TMEM178A: variants seen among roughly 807,000 people sequenced by gnomAD.
TMEM178A encodes transmembrane protein 178A, also known as transmembrane protein 178.
In TMEM178A, 12 loss-of-function variants were observed where a neutral mutation model predicts 29.1. That is an observed-to-expected ratio of 0.41 (90% confidence interval 0.26 to 0.67). The LOEUF is 0.67. Ranked by LOEUF, TMEM178A falls within the 30% of genes least tolerant of loss-of-function variation. The pLI, the probability that TMEM178A is intolerant of heterozygous loss-of-function variation, is 0.29. For missense variants in TMEM178A, 366 were observed against 419.1 expected (o/e 0.87, Z 1.11); for synonymous variants, 210 against 187.2 (o/e 1.12, Z -0.99).
intron 1 of TMEM178A, among the ~76,000 whole-genome samples, chr2:39,701,427 G>A (rs1410618771): frequency 6.6e-6 from 1 of 151,794 alleles, no homozygotes; most frequent in Non-Finnish European, 1.5e-5. Context: ...ATCTTTCAAA[G>A]TTTTTTTTGT....
intron 1 of TMEM178A, among the ~76,000 whole-genome samples, chr2:39,675,070 A>G (rs973332453): frequency 6.6e-6 from 1 of 152,212 alleles, no homozygotes; most frequent in African/African-American, 2.4e-5. Context: ...AAACCATATT[A>G]TCAGAATGCC....
the TMEM178A span, among the ~76,000 whole-genome samples, chr2:39,725,369 C>T: frequency 1.3e-5 from 2 of 152,128 alleles, no homozygotes; most frequent in African/African-American, 4.8e-5. Flanking sequence ...AGAAAGGTGT[C>T]AGAAAATGTC....
At chr2:39,677,223 A>G (rs943982587) in intron 1 of TMEM178A, among the ~76,000 whole-genome samples, 1 of 152,076 alleles carries the variant, frequency 6.6e-6, no homozygotes, top group African/African-American at 2.4e-5. Flanking sequence ...ATTTTTCTGA[A>G]TATCTCCCTT....
At chr2:39,728,971 A>G in the TMEM178A span, among the ~76,000 whole-genome samples, 1 of 152,198 alleles carries the variant, frequency 6.6e-6, no homozygotes, top group Non-Finnish European at 1.5e-5. Context: ...TCCACTGAGA[A>G]TGAGATGTGC....
downstream of TMEM178A, among the ~76,000 whole-genome samples, chr2:39,722,219 G>GT (rs1558470657): frequency 1.3e-5 from 2 of 152,108 alleles, no homozygotes; most frequent in African/African-American, 4.8e-5. Context: ...TTACATGGCG[G>GT]TGGGGAAACA....
At chr2:39,730,110 G>A in the TMEM178A span, among the ~76,000 whole-genome samples, 1 of 152,242 alleles carries the variant, frequency 6.6e-6, no homozygotes, top group East Asian at 1.9e-4. Flanking sequence ...ACCTGTTTAT[G>A]TGTTTCTGTC....
chr2:39,732,079 G>T, the TMEM178A span, among the ~76,000 whole-genome samples: 2 of 152,164 alleles, frequency 1.3e-5, no homozygotes, highest in Admixed American at 6.5e-5. Context: ...ATACTCATGA[G>T]GATGACATGT....
chr2:39,688,497 A>T (rs1671175501), intron 1 of TMEM178A, among the ~76,000 whole-genome samples: 1 of 152,228 alleles, frequency 6.6e-6, no homozygotes, highest in East Asian at 1.9e-4. Flanking sequence ...TTGCCACTGG[A>T]AGGTGGTGAG....
Position 39,716,861 on chromosome 2 carries a change from T to C in TMEM178A, c.653-149T>C, listed in dbSNP as rs142101214. On this transcript the variant is annotated intron_variant, in intron 3 of 3. Coordinates refer to ENST00000281961, the MANE Select transcript of TMEM178A (RefSeq NM_152390.3). ...GTTTTGCCAATGTTTGTTATATGAATTAATTCAAGTAAAATAATTATGGAT... is the reference window on the plus strand; with the variant it reads ...GTTTTGCCAATGTTTGTTATATGAACTAATTCAAGTAAAATAATTATGGAT... The C allele has an allele frequency of 1.2e-3, 1,223 of 1,027,368 alleles. 7 individuals are homozygous for C. In the African/African-American group the frequency reaches 0.015, roughly 12 times the overall value. 63.6% of individuals were successfully genotyped at this position (1,027,368 alleles called of 1,614,324 possible).
downstream of TMEM178A, among the ~76,000 whole-genome samples, chr2:39,718,386 C>A (rs1276218272): frequency 6.6e-6 from 1 of 152,172 alleles, no homozygotes; most frequent in Non-Finnish European, 1.5e-5. Context: ...CTAAACAGGG[C>A]CTCACCCCAG....
chr2:39,676,348 G>C (rs1183041005), intron 1 of TMEM178A, among the ~76,000 whole-genome samples: 1 of 152,204 alleles, frequency 6.6e-6, no homozygotes, highest in Non-Finnish European at 1.5e-5. Flanking sequence ...GCAGACCCAA[G>C]GTAGGCAGTT....
downstream of TMEM178A, among the ~76,000 whole-genome samples, chr2:39,718,402 T>G (rs1484702688): frequency 2.0e-5 from 3 of 152,214 alleles, no homozygotes; most frequent in Non-Finnish European, 2.9e-5. Flanking sequence ...CCCAGACCAA[T>G]TAACTCAGAA....
At chr2:39,700,933 T>TA (rs1295517905) in intron 1 of TMEM178A, among the ~76,000 whole-genome samples, 1 of 152,042 alleles carries the variant, frequency 6.6e-6, no homozygotes, top group Non-Finnish European at 1.5e-5. Context: ...CAATAGTATA[T>TA]AAAAACCTTG....
chr2:39,700,229 G>A (rs1199936963), intron 1 of TMEM178A, among the ~76,000 whole-genome samples: 1 of 151,958 alleles, frequency 6.6e-6, no homozygotes, highest in Non-Finnish European at 1.5e-5. Context: ...TACTATTATT[G>A]ATCTTCTGCC....
At position 39,694,741 on chromosome 2, in the gene TMEM178A, T is replaced by C. The variant is rs190296426; in HGVS notation, c.401-9340T>C. On this transcript the variant is annotated intron_variant, in intron 1 of 3. Coordinates refer to ENST00000281961, the MANE Select transcript of TMEM178A (RefSeq NM_152390.3). ...TCATTAACAACTTTCAAAGTATTGA[T>C]TGCATGTTAAATTTAAAAATACTAA... is the stretch of plus-strand genomic sequence containing the variant. 3.9e-5 allele frequency among the ~76,000 whole-genome samples: 6 copies of C among 152,374 alleles called. No individual in the cohort carries two copies. In the East Asian group the frequency reaches 1.2e-3, roughly 29 times the overall value.
the TMEM178A span, among the ~76,000 whole-genome samples, chr2:39,727,965 A>G: frequency 6.6e-6 from 1 of 152,166 alleles, no homozygotes; most frequent in Admixed American, 6.5e-5. Flanking sequence ...TCTATCATTG[A>G]TGGACATTTG....
intron 1 of TMEM178A, among the ~76,000 whole-genome samples, chr2:39,700,374 A>G (rs1415686351): frequency 6.6e-6 from 1 of 152,104 alleles, no homozygotes; most frequent in Non-Finnish European, 1.5e-5. Flanking sequence ...GTATATGTTT[A>G]TGACTGCTGT....
chr2:39,689,517 C>A (rs2148076719), intron 1 of TMEM178A, among the ~76,000 whole-genome samples: 1 of 152,172 alleles, frequency 6.6e-6, no homozygotes. Context: ...CTTTTGAATG[C>A]AAAAGTAATG....
intron 1 of TMEM178A, among the ~76,000 whole-genome samples, chr2:39,677,500 C>A (rs1319141389): frequency 6.6e-6 from 1 of 152,090 alleles, no homozygotes; most frequent in Non-Finnish European, 1.5e-5. Context: ...AGAAATTAAA[C>A]AATTCTAATT....
Sources: gnomAD v4.1 joint callset for allele counts (sites outside exome capture counted in the v4.1 genomes callset) on GRCh38, gnomAD v4.1.1 for gene constraint, MANE v1.5 for transcripts, NCBI Gene and HGNC (gene_info 2026-07-23, HGNC 2026-07-21) for gene names.